MLIP: variants seen among roughly 807,000 people sequenced by gnomAD.
The protein encoded by MLIP is muscular LMNA-interacting protein.
A neutral mutation model predicts 84.8 loss-of-function variants in MLIP; 79 were observed. That is an observed-to-expected ratio of 0.93 (90% CI 0.78 to 1.12). The LOEUF (loss-of-function observed/expected upper bound fraction) is 1.12, where lower values mean the gene tolerates loss of function less well. Among genes scored for constraint, MLIP ranks in the 50% most tolerant of loss-of-function variants. The pLI, the probability that MLIP is intolerant of heterozygous loss-of-function variation, is 0.00. For missense variants in MLIP, 1,257 were observed against 1,160.6 expected, an observed-to-expected ratio of 1.08 and a Z score of -1.21; for synonymous variants, 504 against 463.0, an observed-to-expected ratio of 1.09 and a Z score of -1.14.
At chr6:54,118,928 G>T (rs957453727) in intron 1 of MLIP, among the ~76,000 whole-genome samples, 2 of 152,322 alleles carry the variant, frequency 1.3e-5, no homozygotes, top group Admixed American at 1.3e-4. Flanking sequence ...GAATGAAAAT[G>T]ATGCTCATAA....
Position 54,240,717 on chromosome 6 carries a change from C to T in MLIP, c.2922+9800C>T, listed in dbSNP as rs1002998236. On this transcript the variant is annotated intron_variant, in intron 12 of 13. Transcript: ENST00000502396. ...CCTGGCCGGGCACCGTGGCTCACGC[C>T]TGTAATCCCAGCACTTTGGGAGGCT... Among the ~76,000 whole-genome samples the T allele has an allele frequency of 2.0e-5, 3 of 152,300 alleles. No individual in the cohort carries two copies. The South Asian group carries it at 6.2e-4, about 32-fold the overall frequency.
At chr6:54,224,265 ATAAC>A (rs1200961648) in intron 11 of MLIP, among the ~76,000 whole-genome samples, 4 of 152,080 alleles carry the variant, frequency 2.6e-5, no homozygotes, top group Admixed American at 2.0e-4. Context: ...AAACATGAAA[ATAAC>A]TAACAATATA....
At chr6:54,221,487 C>A (rs59955409) in intron 11 of MLIP, among the ~76,000 whole-genome samples, 3,486 of 151,886 alleles carry the variant, frequency 0.023, 125 homozygotes, top group African/African-American at 0.077. Context: ...TCATAATCTG[C>A]AAAATGGGCA....
chr6:54,226,200 A>G (rs1282652802), intron 11 of MLIP, among the ~76,000 whole-genome samples: 1 of 152,200 alleles, frequency 6.6e-6, no homozygotes, highest in East Asian at 1.9e-4. Flanking sequence ...TAAGATAATA[A>G]TTCACATGCT....
chr6:54,125,111 C>T (rs1330947620), intron 3 of MLIP, among the ~76,000 whole-genome samples: 2 of 152,104 alleles, frequency 1.3e-5, no homozygotes, highest in African/African-American at 2.4e-5. Flanking sequence ...AAACATTTAG[C>T]TGGAGTAAAT....
chr6:54,116,258 C>A (rs531184527), intron 1 of MLIP, among the ~76,000 whole-genome samples: 1 of 152,176 alleles, frequency 6.6e-6, no homozygotes, highest in Non-Finnish European at 1.5e-5. Context: ...ATGGAGGTGG[C>A]AGGGCAGTGT....
intron 1 of MLIP, among the ~76,000 whole-genome samples, chr6:54,104,723 TC>T (rs1174752969): frequency 6.6e-6 from 1 of 152,096 alleles, no homozygotes; most frequent in Non-Finnish European, 1.5e-5. Context: ...CCCTTTTTTT[TC>T]CCCCAAACTG....
At chr6:54,074,454 C>G (rs577271318) in intron 1 of MLIP, among the ~76,000 whole-genome samples, 1 of 151,960 alleles carries the variant, frequency 6.6e-6, no homozygotes, top group Non-Finnish European at 1.5e-5. Context: ...AAAACGAAGA[C>G]CTTTTGATTA....
At chr6:54,033,048 C>G (rs1039571241) in intron 1 of MLIP, among the ~76,000 whole-genome samples, 2 of 152,066 alleles carry the variant, frequency 1.3e-5, no homozygotes, top group African/African-American at 4.8e-5. Context: ...TACAAAACAT[C>G]TTTAATTAAA....
chr6:54,142,217 T>C (rs113244205), intron 4 of MLIP, among the ~76,000 whole-genome samples: 130 of 152,326 alleles, frequency 8.5e-4, no homozygotes, highest in Middle Eastern at 3.4e-3. Flanking sequence ...TGTGAGGATA[T>C]TGCAATAAAT....
Position 54,160,420 on chromosome 6 carries a change from A to G in MLIP, c.2343A>G (p.Glu781=), listed in dbSNP as rs1428652105. Residue 781 remains glutamate (E), a synonymous_variant, in exon 6 of 14, where the codon GAA becomes GAG. Transcript: ENST00000502396. ...GTGTCTCCAAGGACAACACATTAGA[A>G]CCACCAGTGGAGGTAATAACTTCAG... is the stretch of plus-strand genomic sequence containing the variant. ...TESVSKDNTL[E]PPVELYFPAQ... is the part of the protein sequence containing the mutation. The G allele has an allele frequency of 3.1e-6, 5 of 1,612,508 alleles. No individual in the cohort carries two copies. The highest frequency in any genetic ancestry group is 3.3e-5 in the Admixed American group (2 of 59,800).
chr6:54,167,223 C>CT (rs1235244527), intron 8 of MLIP, among the ~76,000 whole-genome samples: 1 of 151,854 alleles, frequency 6.6e-6, no homozygotes, highest in Non-Finnish European at 1.5e-5. Flanking sequence ...ACCAGAAGTG[C>CT]TTACGCATTT....
intron 9 of MLIP, among the ~76,000 whole-genome samples, chr6:54,179,324 G>A (rs1331203913): frequency 1.3e-5 from 2 of 152,072 alleles, no homozygotes; most frequent in African/African-American, 4.8e-5. Flanking sequence ...GTAGGCAACA[G>A]GTGATTGGGT....
chr6:54,089,129 T>A (rs1019849018), intron 1 of MLIP, among the ~76,000 whole-genome samples: 1 of 152,164 alleles, frequency 6.6e-6, no homozygotes, highest in Non-Finnish European at 1.5e-5. Flanking sequence ...TTATTTTTGG[T>A]GTGAGTTTCA....
chr6:54,206,027 A>G (rs1779013219), intron 11 of MLIP, among the ~76,000 whole-genome samples: 1 of 152,196 alleles, frequency 6.6e-6, no homozygotes, highest in South Asian at 2.1e-4. Context: ...AGCAAAATTC[A>G]TTGGACTAAT....
At chr6:54,200,607 G>A (rs1345940890) in intron 10 of MLIP, among the ~76,000 whole-genome samples, 3 of 76,692 alleles carry the variant, frequency 3.9e-5, no homozygotes, top group South Asian at 6.3e-4. Flanking sequence ...CTGCCTGGAC[G>A]TTTTTTTTTT....
chr6:54,073,745 C>T (rs1258651298), intron 1 of MLIP, among the ~76,000 whole-genome samples: 1 of 152,170 alleles, frequency 6.6e-6, no homozygotes, highest in Non-Finnish European at 1.5e-5. Context: ...GAGGACAGCT[C>T]ACAAATCTGA....
At chr6:54,165,383 G>T (rs1379591481) in intron 8 of MLIP, among the ~76,000 whole-genome samples, 1 of 151,892 alleles carries the variant, frequency 6.6e-6, no homozygotes, top group East Asian at 2.0e-4. Flanking sequence ...TCAGAAGCTA[G>T]CCAGTTGTTG....
chr6:54,148,008 T>A (rs769104026), intron 4 of MLIP, among the ~76,000 whole-genome samples: 37 of 152,200 alleles, frequency 2.4e-4, no homozygotes, highest in Non-Finnish European at 4.9e-4. Context: ...GGAAAATAAA[T>A]GTGCTAGCCT....
Sources: gnomAD v4.1 joint callset for allele counts (sites outside exome capture counted in the v4.1 genomes callset) on GRCh38, gnomAD v4.1.1 for gene constraint, MANE v1.5 for transcripts, NCBI Gene and HGNC (gene_info 2026-07-23, HGNC 2026-07-21) for gene names.